Variants in DAB2IP observed in about 807,000 individuals in gnomAD.
The protein encoded by DAB2IP is disabled homolog 2-interacting protein.
DAB2IP carries 28 observed loss-of-function variants against 107.2 expected under a neutral mutation model. That is an observed-to-expected ratio of 0.26 (90% CI 0.19 to 0.36). The LOEUF (loss-of-function observed/expected upper bound fraction) is 0.36. Ranked by LOEUF, DAB2IP falls within the 10% of genes least tolerant of loss-of-function variation. The pLI is 1.00. For synonymous variants in DAB2IP, 755 were observed against 706.4 expected, an observed-to-expected ratio of 1.07 and a Z score of -1.09; for missense variants, 1,400 against 1,644.7, an observed-to-expected ratio of 0.85 and a Z score of 2.57.
chr9:121,748,996 G>A (rs557971521), intron 3 of DAB2IP, among the ~76,000 whole-genome samples: 66 of 152,218 alleles, frequency 4.3e-4, no homozygotes, highest in Non-Finnish European at 7.8e-4. Flanking sequence ...GGGAACCCTG[G>A]GTTGAGAGGG....
intron 1 of DAB2IP, among the ~76,000 whole-genome samples, chr9:121,642,968 T>C (rs1227249141): frequency 2.6e-5 from 4 of 152,050 alleles, no homozygotes; most frequent in Non-Finnish European, 5.9e-5. Context: ...TCTGAAGATC[T>C]GGGGTTTGTG....
intron 14 of DAB2IP, among the ~76,000 whole-genome samples, chr9:121,779,415 T>A (rs1396537895): frequency 2.0e-5 from 3 of 152,264 alleles, no homozygotes; most frequent in Non-Finnish European, 4.4e-5. Flanking sequence ...TCTCTCTGTA[T>A]ACTTGGTAAT....
In DAB2IP at chr9:121,776,040, G is replaced by A. The variant is rs895311632; in HGVS notation, c.3121-158G>A. ...GTCTGGCTGCAGCCCCCACCAGCTG[G>A]GCTCCTTGGGCATCTCCTTGCTATG... On this transcript the variant is annotated intron_variant, in intron 13 of 15. Transcript: ENST00000408936. This position sits in a 1 kb window ranked among gnomAD's most constrained non-coding sequence, Gnocchi z 5.4. 6.6e-6 allele frequency among the ~76,000 whole-genome samples: 1 copy of A among 152,150 alleles called. No individual in the cohort carries two copies. The highest frequency in any genetic ancestry group is 1.5e-5 in the Non-Finnish European group (1 of 68,026).
At chr9:121,766,683 C>G in exon 9 of DAB2IP, 1 of 1,614,120 alleles carries the variant, frequency 6.2e-7, no homozygotes, top group Non-Finnish European at 8.5e-7. Context: ...CTGCCCGCAC[C>G]CTCACCCTCA....
intron 10 of DAB2IP, among the ~76,000 whole-genome samples, chr9:121,769,621 A>G (rs760003879): frequency 3.9e-5 from 6 of 152,186 alleles, no homozygotes; most frequent in Non-Finnish European, 7.3e-5. Flanking sequence ...GTTGCAATCA[A>G]AGGCCATCAT....
intron 1 of DAB2IP, among the ~76,000 whole-genome samples, chr9:121,620,441 G>A (rs976121647): frequency 6.6e-6 from 1 of 152,170 alleles, no homozygotes; most frequent in South Asian, 2.1e-4. Context: ...AATGAGGCTT[G>A]ACCTGCTGAG....
rs906539348 is a variant in DAB2IP at position 121,641,923 on chromosome 9, T to G, written c.41-36755T>G. ...TTTCTTTCTTTCTTTCTTTCTTTCT[T>G]TCTTTCTTTCTTTCTCTCTTTCTTT... On this transcript the variant is annotated intron_variant, in intron 1 of 16. Transcript: ENST00000259371. Among the ~76,000 whole-genome samples the G allele has an allele frequency of 3.4e-5, 5 of 146,720 alleles. No homozygotes were observed. The Admixed American group carries it at 3.4e-4, about 10-fold the overall frequency.
At chr9:121,657,757 C>T (rs1833027153) in intron 1 of DAB2IP, among the ~76,000 whole-genome samples, 1 of 152,198 alleles carries the variant, frequency 6.6e-6, no homozygotes, top group Non-Finnish European at 1.5e-5. Flanking sequence ...ATTCTTCTAT[C>T]TCCATCCTTC....
chr9:121,742,017 C>A (rs1589620138), intron 3 of DAB2IP, among the ~76,000 whole-genome samples: 2 of 152,046 alleles, frequency 1.3e-5, no homozygotes, highest in Non-Finnish European at 2.9e-5. Flanking sequence ...CATTCTGAAA[C>A]TTATTTGGCT....
chr9:121,640,738 C>G (rs775690138), intron 1 of DAB2IP, among the ~76,000 whole-genome samples: 44 of 152,228 alleles, frequency 2.9e-4, no homozygotes, highest in Admixed American at 5.2e-4. Context: ...CTGCTGGGAA[C>G]CTGTGGGCAG....
At chr9:121,764,122 G>A (rs1834093942) in intron 8 of DAB2IP, among the ~76,000 whole-genome samples, 1 of 152,238 alleles carries the variant, frequency 6.6e-6, no homozygotes, top group Non-Finnish European at 1.5e-5. Flanking sequence ...CGCCCTTCAT[G>A]TGCCGGGGGC....
chr9:121,769,831 C>G (rs539963076), intron 10 of DAB2IP, among the ~76,000 whole-genome samples: 1 of 152,340 alleles, frequency 6.6e-6, no homozygotes, highest in Non-Finnish European at 1.5e-5. Context: ...GGAAGGTGAT[C>G]AGTATTGTCA....
At chr9:121,629,172 G>A (rs970984178) in intron 1 of DAB2IP, among the ~76,000 whole-genome samples, 1 of 152,184 alleles carries the variant, frequency 6.6e-6, no homozygotes, top group Non-Finnish European at 1.5e-5. Flanking sequence ...TTTCGCTCTT[G>A]GGTCCCACCC....
rs564585957 is a variant in DAB2IP, at chr9:121,620,007, C to G, written c.40+52779C>G. ...GTATGTGCATTATAAGACGTGGTGC[C>G]TGCCCCACCCAGAGTGCTAAACTTA... On this transcript the variant is annotated intron_variant, in intron 1 of 16. Coordinates refer to the DAB2IP transcript ENST00000259371. Among the ~76,000 whole-genome samples, 8 of 152,254 alleles carry G rather than the reference C, an allele frequency of 5.3e-5. No homozygotes were observed. The South Asian group carries it at 1.7e-3, about 32-fold the overall frequency.
intron 6 of DAB2IP, among the ~76,000 whole-genome samples, chr9:121,762,343 A>G (rs1056070968): frequency 2.6e-5 from 4 of 152,176 alleles, no homozygotes; most frequent in African/African-American, 9.7e-5. Flanking sequence ...GGAAGGCTGC[A>G]GTCCTGAGCG....
At chr9:121,641,892 CCTTTCTTT>C (rs71370681) in intron 1 of DAB2IP, among the ~76,000 whole-genome samples, 7,699 of 88,950 alleles carry the variant, frequency 0.087, 347 homozygotes, top group African/African-American at 0.13. Flanking sequence ...CATTTCTTTC[CCTTTCTTT>C]CTTTCTTTCT....
chr9:121,641,949 C>CTTTCTCT (rs1293278349), intron 1 of DAB2IP, among the ~76,000 whole-genome samples: 2 of 64,044 alleles, frequency 3.1e-5, no homozygotes, highest in East Asian at 5.7e-4. Flanking sequence ...CTCTTTCTTT[C>CTTTCTCT]CTTTCTTTCT....
intron 1 of DAB2IP, among the ~76,000 whole-genome samples, chr9:121,675,920 C>G (rs988584281): frequency 6.6e-6 from 1 of 152,158 alleles, no homozygotes; most frequent in African/African-American, 2.4e-5. Flanking sequence ...AGCAAAACCT[C>G]CAGAAAGAGT....
rs1834665159 is a variant in DAB2IP, at chr9:121,770,806, G to A, written c.2078+82G>A. 6 of 1,535,520 alleles carry A rather than the reference G, an allele frequency of 3.9e-6. No homozygotes were observed. The Admixed American group carries it at 7.2e-5, about 19-fold the overall frequency. On this transcript the variant is annotated intron_variant, in intron 11 of 15. Transcript: ENST00000408936. ...CCATCTGTAATCTCAGATGGGGAAA[G>A]AGGATGCCTACATAGTGTTTATAAA...
Sources: allele counts gnomAD v4.1 joint callset (sites outside exome capture counted in the v4.1 genomes callset), GRCh38; gene constraint gnomAD v4.1.1; non-coding constraint Gnocchi (gnomAD v3.1); transcripts MANE v1.5; gene names NCBI Gene and HGNC (gene_info 2026-07-23, HGNC 2026-07-21).